PDE3B: variants seen among roughly 807,000 people sequenced by gnomAD.
The protein encoded by PDE3B is phosphodiesterase 3B, also known as cGMP-inhibited 3',5'-cyclic phosphodiesterase 3B.
In PDE3B, 66 loss-of-function variants were observed where a neutral mutation model predicts 116.8. That is an observed-to-expected ratio of 0.56 (90% CI 0.46 to 0.69). The LOEUF is 0.69. Ranked by LOEUF, PDE3B falls within the 30% of genes least tolerant of loss-of-function variation. The probability of loss-of-function intolerance (pLI) is 0.00; values close to 1 mark genes in which losing one functional copy is unlikely to be tolerated. For missense variants in PDE3B, 1,384 were observed against 1,368.1 expected (o/e 1.01, Z -0.18); for synonymous variants, 595 against 533.6 (o/e 1.12, Z -1.59).
intron 9 of PDE3B, among the ~76,000 whole-genome samples, chr11:14,832,090 T>C (rs967793478): frequency 2.0e-5 from 3 of 152,154 alleles, no homozygotes; most frequent in African/African-American, 4.8e-5. Flanking sequence ...GTTCTAACCA[T>C]TGCAATTTAA....
At chr11:14,896,330 C>T in the PDE3B span, among the ~76,000 whole-genome samples, 1 of 152,148 alleles carries the variant, frequency 6.6e-6, no homozygotes, top group Non-Finnish European at 1.5e-5. Context: ...GGGCTCTGGA[C>T]TTGCCATGTG....
At chr11:14,729,288 C>A (rs1856395158) in intron 1 of PDE3B, among the ~76,000 whole-genome samples, 1 of 152,150 alleles carries the variant, frequency 6.6e-6, no homozygotes, top group African/African-American at 2.4e-5. Flanking sequence ...GTGATTATTT[C>A]CTTCTTTTGA....
In PDE3B at chr11:14,644,250, C is replaced by G. The variant is rs780128485; in HGVS notation, c.175C>G (p.Leu59Val). The part of the protein sequence containing the change: ...FHLCRFCNVE[L>V]RPPPASPQQP... ...CCTCTGCCGCTTCTGCAACGTGGAGCTGCGGCCGCCGCCGGCCTCTCCCCA... is the reference window on the plus strand; with the variant it reads ...CCTCTGCCGCTTCTGCAACGTGGAGGTGCGGCCGCCGCCGGCCTCTCCCCA... The change falls in exon 1 of 16, where the codon CTG (leucine) becomes GTG (valine). Residue 59 changes from leucine to valine, a missense_variant. By Grantham distance (32) the Leu-to-Val change is conservative. Transcript: ENST00000282096. The G allele has an allele frequency of 1.3e-6, 2 of 1,573,092 alleles. No homozygotes were observed. The highest frequency in any genetic ancestry group is 1.7e-6 in the Non-Finnish European group (2 of 1,167,286).
chr11:14,723,479 C>T (rs1856183893), intron 1 of PDE3B, among the ~76,000 whole-genome samples: 1 of 152,098 alleles, frequency 6.6e-6, no homozygotes, highest in South Asian at 2.1e-4. Flanking sequence ...CTGGTCCAGG[C>T]ACAGTGGCTC....
intron 1 of PDE3B, among the ~76,000 whole-genome samples, chr11:14,669,941 T>A (rs1854315823): frequency 6.6e-6 from 1 of 152,178 alleles, no homozygotes; most frequent in African/African-American, 2.4e-5. Flanking sequence ...CAAATGTTAA[T>A]CTTTATATTG....
rs548679054 is a variant in PDE3B, at chr11:14,846,128, A to C, written c.2520+2102A>C. Among the ~76,000 whole-genome samples, 267 of 152,374 alleles carry C rather than the reference A, an allele frequency of 1.8e-3. 1 individual carries two copies. Among genetic ancestry groups the C allele is most frequent in the Non-Finnish European group, 2.6e-3 (178 of 68,044 alleles). On this transcript the variant is annotated intron_variant, in intron 12 of 15. Coordinates refer to ENST00000282096, the MANE Select transcript of PDE3B (RefSeq NM_000922.4). ...ACCACAAAGGGAAGCCCATCAGACT[A>C]ACAGCGGATCTCTCAGCAGAAACTC...
rs1034892881 is a variant in PDE3B, at chr11:14,714,622, C to T, written c.979-57315C>T. On this transcript the variant is annotated intron_variant, in intron 1 of 15. Coordinates refer to ENST00000282096, the MANE Select transcript of PDE3B (RefSeq NM_000922.4). ...TTTTACATATTTGACCATCCATTTC[C>T]TGGGATGACTGATGCCCCAAGATGG... is the stretch of plus-strand genomic sequence containing the variant. Among the ~76,000 whole-genome samples, 4 of 151,780 alleles carry T rather than the reference C, an allele frequency of 2.6e-5. No individual in the cohort carries two copies. In the East Asian group the frequency reaches 5.8e-4, roughly 22 times the overall value.
At chr11:14,756,802 A>C (rs56158942) in intron 1 of PDE3B, among the ~76,000 whole-genome samples, 5 of 118,022 alleles carry the variant, frequency 4.2e-5, no homozygotes, top group African/African-American at 1.0e-4. Flanking sequence ...TTAAGTGCTT[A>C]TTTTTTTTTT....
At chr11:14,726,063 C>A (rs1263844481) in intron 1 of PDE3B, among the ~76,000 whole-genome samples, 1 of 152,134 alleles carries the variant, frequency 6.6e-6, no homozygotes, top group Non-Finnish European at 1.5e-5. Context: ...GACTTCAGGG[C>A]ATTTGCATTT....
Position 14,843,127 on chromosome 11 carries a change from AAAG to A in PDE3B, c.2321-694_2321-692del, listed in dbSNP as rs1471516758. Among the ~76,000 whole-genome samples the A allele has an allele frequency of 2.6e-5, 4 of 152,350 alleles. No individual in the cohort carries two copies. The East Asian group carries it at 7.7e-4, about 29-fold the overall frequency. On this transcript the variant is annotated intron_variant, in intron 11 of 15. Coordinates refer to ENST00000282096, the MANE Select transcript of PDE3B (RefSeq NM_000922.4). ...CATCTAGATAGATAAAGCCACCAAA[AAAG>A]AAGAAATCAATGGTAAGATATTAAG...
intron 1 of PDE3B, among the ~76,000 whole-genome samples, chr11:14,712,480 T>TG (rs1855735501): frequency 7.1e-6 from 1 of 140,938 alleles, no homozygotes; most frequent in Non-Finnish European, 1.5e-5. Flanking sequence ...TTTTTTTTTT[T>TG]TTTTTTTTTT....
intron 1 of PDE3B, among the ~76,000 whole-genome samples, chr11:14,725,261 T>TTC (rs1856251870): frequency 6.6e-4 from 97 of 146,406 alleles, no homozygotes; most frequent in African/African-American, 2.3e-3. Context: ...CTTTCGTTCT[T>TTC]TCTTTCTCTT....
chr11:14,764,746 A>G (rs1164130318), intron 1 of PDE3B, among the ~76,000 whole-genome samples: 3 of 151,998 alleles, frequency 2.0e-5, no homozygotes, highest in East Asian at 1.9e-4. Flanking sequence ...TTAAGTGCCT[A>G]ATATAGTGCT....
intron 1 of PDE3B, among the ~76,000 whole-genome samples, chr11:14,747,925 T>C (rs1290408480): frequency 2.6e-5 from 4 of 152,310 alleles, no homozygotes; most frequent in Admixed American, 1.3e-4. Context: ...AAATAGTCAC[T>C]ATTTGACTTA....
intron 1 of PDE3B, among the ~76,000 whole-genome samples, chr11:14,765,850 T>C (rs1214306118): frequency 6.7e-6 from 1 of 150,232 alleles, no homozygotes; most frequent in Non-Finnish European, 1.5e-5. Context: ...AAAATTCTTA[T>C]ATTTAAGTTA....
At chr11:14,879,240 T>C in the PDE3B span, 1 of 1,613,356 alleles carries the variant, frequency 6.2e-7, no homozygotes, top group East Asian at 2.2e-5. Flanking sequence ...TAAAGATTTG[T>C]AATTACTGTT....
chr11:14,782,415 T>C (rs957102570), intron 2 of PDE3B, among the ~76,000 whole-genome samples: 1 of 151,998 alleles, frequency 6.6e-6, no homozygotes, highest in African/African-American at 2.4e-5. Flanking sequence ...AACAGAGATA[T>C]AGACCAATGG....
chr11:14,773,448 T>C (rs1857700395), intron 2 of PDE3B: 1 of 152,176 alleles, frequency 6.6e-6, no homozygotes, highest in South Asian at 2.1e-4. Context: ...TGGCATTATA[T>C]TGGTATCACG....
intron 1 of PDE3B, among the ~76,000 whole-genome samples, chr11:14,756,802 A>AT (rs372781887): frequency 0.2 from 23,121 of 117,990 alleles, 2,570 homozygotes; most frequent in African/African-American, 0.33. Context: ...TTAAGTGCTT[A>AT]TTTTTTTTTT....
Sources: gnomAD v4.1 joint callset for allele counts (sites outside exome capture counted in the v4.1 genomes callset) on GRCh38, gnomAD v4.1.1 for gene constraint, MANE v1.5 for transcripts, NCBI Gene and HGNC (gene_info 2026-07-23, HGNC 2026-07-21) for gene names.